Variants in FSTL5 observed in about 807,000 individuals in gnomAD.
FSTL5 encodes follistatin like 5.
FSTL5 carries 62 observed loss-of-function variants against 89.1 expected under a neutral mutation model. The observed-to-expected ratio is 0.70, with a 90% confidence interval of 0.57 to 0.86. The LOEUF is 0.86. FSTL5 is among the 40% of genes least tolerant of loss of function. The probability of loss-of-function intolerance (pLI) is 0.00; values close to 1 mark genes in which losing one functional copy is unlikely to be tolerated. For synonymous variants in FSTL5, 383 were observed against 346.2 expected, an observed-to-expected ratio of 1.11 and a Z score of -1.18; for missense variants, 1,057 against 1,001.6, an observed-to-expected ratio of 1.06 and a Z score of -0.75.
At chr4:161,496,439 T>C (rs1320448964) in intron 12 of FSTL5, among the ~76,000 whole-genome samples, 1 of 152,140 alleles carries the variant, frequency 6.6e-6, no homozygotes, top group Non-Finnish European at 1.5e-5. Flanking sequence ...TTACCCTCCA[T>C]AATGTTTATG....
At chr4:161,444,423 C>T (rs955801347) in intron 15 of FSTL5, among the ~76,000 whole-genome samples, 2 of 151,726 alleles carry the variant, frequency 1.3e-5, no homozygotes, top group Admixed American at 6.6e-5. Flanking sequence ...TGTTGAAGGT[C>T]TCAAAGGAGC....
Position 161,652,676 on chromosome 4 carries a change from T to C in FSTL5, c.894+3652A>G, listed in dbSNP as rs187141968. Among the ~76,000 whole-genome samples the C allele has an allele frequency of 1.6e-3, 239 of 152,102 alleles. 1 individual carries two copies. The highest frequency in any genetic ancestry group is 5.6e-3 in the African/African-American group (232 of 41,528). On this transcript the variant is annotated intron_variant, in intron 7 of 15. Coordinates refer to ENST00000306100, the MANE Select transcript of FSTL5 (RefSeq NM_020116.5). ...ATATATTTTAATTAAATATAGCAAA[T>C]ATAAAAATGAGGGGATACAAAAATG...
At chr4:161,548,954 G>T (rs1482655430) in intron 8 of FSTL5, among the ~76,000 whole-genome samples, 1 of 151,778 alleles carries the variant, frequency 6.6e-6, no homozygotes, top group Non-Finnish European at 1.5e-5. Context: ...TATCTTTAAT[G>T]TAAATATTAA....
chr4:161,604,123 C>T (rs1369676669), intron 7 of FSTL5, among the ~76,000 whole-genome samples: 2 of 152,076 alleles, frequency 1.3e-5, no homozygotes, highest in Non-Finnish European at 1.5e-5. Flanking sequence ...ATAGTATTTG[C>T]TTCTTACTTT....
rs142196703 is a variant in FSTL5 at position 161,659,856 on chromosome 4, C to T, written c.728-3362G>A. Among the ~76,000 whole-genome samples the T allele has an allele frequency of 5.9e-3, 903 of 152,192 alleles. 9 individuals are homozygous for T. Among genetic ancestry groups the T allele is most frequent in the South Asian group, 0.045 (218 of 4,808 alleles). On this transcript the variant is annotated intron_variant, in intron 6 of 15. Coordinates refer to ENST00000306100, the MANE Select transcript of FSTL5 (RefSeq NM_020116.5). The stretch of plus-strand genomic sequence containing the variant: ...AATGACTTGTTTCATTTTATAGCAT[C>T]CTATATGCAAACAGCTTATGCTAGT...
chr4:162,124,853 CCACGTCCAG>C (rs1732013717), intron 1 of FSTL5, among the ~76,000 whole-genome samples: 1 of 152,198 alleles, frequency 6.6e-6, no homozygotes, highest in Admixed American at 6.5e-5. Flanking sequence ...GCGCCCGCCA[CCACGTCCAG>C]CTAATTTTGT....
At chr4:161,976,821 C>G (rs1414333770) in intron 3 of FSTL5, among the ~76,000 whole-genome samples, 1 of 152,028 alleles carries the variant, frequency 6.6e-6, no homozygotes, top group African/African-American at 2.4e-5. Context: ...CCCAGCCAAC[C>G]CCACAGGACC....
At chr4:161,964,083 T>G (rs1049129736) in intron 3 of FSTL5, among the ~76,000 whole-genome samples, 2 of 152,028 alleles carry the variant, frequency 1.3e-5, no homozygotes. Flanking sequence ...TACTAGCTAT[T>G]CATACTTGTG....
At chr4:161,567,539 G>T (rs753407833) in intron 8 of FSTL5, among the ~76,000 whole-genome samples, 1 of 152,054 alleles carries the variant, frequency 6.6e-6, no homozygotes, top group Non-Finnish European at 1.5e-5. Flanking sequence ...TGTATACATA[G>T]AAGTAATCTA....
chr4:162,125,497 C>T (rs907215083), intron 1 of FSTL5, among the ~76,000 whole-genome samples: 1 of 151,982 alleles, frequency 6.6e-6, no homozygotes, highest in African/African-American at 2.4e-5. Context: ...TGGGATTTAC[C>T]TGTATCTGTG....
intron 9 of FSTL5, among the ~76,000 whole-genome samples, chr4:161,541,329 C>T (rs1464382944): frequency 2.0e-5 from 3 of 151,966 alleles, no homozygotes; most frequent in African/African-American, 7.2e-5. Flanking sequence ...AATTTGTTGT[C>T]ATGTATATTC....
At chr4:161,847,529 C>A (rs1731407849) in intron 4 of FSTL5, among the ~76,000 whole-genome samples, 1 of 152,172 alleles carries the variant, frequency 6.6e-6, no homozygotes, top group African/African-American at 2.4e-5. Context: ...TTTACTGAAT[C>A]TTTAGAGCGA....
chr4:161,721,686 A>C (rs973227539), intron 6 of FSTL5, among the ~76,000 whole-genome samples: 1 of 152,254 alleles, frequency 6.6e-6, no homozygotes, highest in South Asian at 2.1e-4. Context: ...AATTTTGAAA[A>C]CCTTGACCTC....
intron 4 of FSTL5, among the ~76,000 whole-genome samples, chr4:161,917,339 T>C (rs1733869289): frequency 6.6e-6 from 1 of 152,210 alleles, no homozygotes; most frequent in African/African-American, 2.4e-5. Flanking sequence ...CAGTAAGGAA[T>C]AATGCAAATC....
chr4:161,947,392 T>A (rs1172200968), intron 3 of FSTL5, among the ~76,000 whole-genome samples: 5 of 152,176 alleles, frequency 3.3e-5, no homozygotes, highest in Non-Finnish European at 7.4e-5. Context: ...GTTTTAAGAC[T>A]ATGATACATC....
Position 162,091,361 on chromosome 4 carries a change from C to T in FSTL5, c.126+19910G>A, listed in dbSNP as rs191926011. 3.8e-3 allele frequency among the ~76,000 whole-genome samples: 580 copies of T among 152,210 alleles called. 3 individuals are homozygous for T. The highest frequency in any genetic ancestry group is 0.013 in the African/African-American group (544 of 41,546). On this transcript the variant is annotated intron_variant, in intron 2 of 15. Transcript: ENST00000306100. ...TGGGAGGTTTTAAATATCTAAACCT[C>T]GGATAGGCATCTCACTTCATAATCT...
At chr4:161,991,005 T>C (rs1367225892) in intron 3 of FSTL5, among the ~76,000 whole-genome samples, 1 of 152,048 alleles carries the variant, frequency 6.6e-6, no homozygotes, top group African/African-American at 2.4e-5. Context: ...CAAATAGTAA[T>C]AGACTTGGAT....
chr4:161,994,376 A>C (rs541513117), intron 3 of FSTL5, among the ~76,000 whole-genome samples: 1 of 152,260 alleles, frequency 6.6e-6, no homozygotes, highest in Non-Finnish European at 1.5e-5. Context: ...AGAATGATTT[A>C]TATTCCTCTG....
At chr4:161,992,966 G>A (rs370230613) in intron 3 of FSTL5, among the ~76,000 whole-genome samples, 4,193 of 107,942 alleles carry the variant, frequency 0.039, 406 homozygotes, top group East Asian at 0.11. Context: ...ATATATATGT[G>A]TGTATATATA....
Sources: allele counts gnomAD v4.1 joint callset (sites outside exome capture counted in the v4.1 genomes callset), GRCh38; gene constraint gnomAD v4.1.1; transcripts MANE v1.5; gene names NCBI Gene and HGNC (gene_info 2026-07-23, HGNC 2026-07-21).